Variants in NCEH1 observed in about 807,000 individuals in gnomAD.
NCEH1 encodes 2-acetyl MAGE hydrolase.
NCEH1 carries 9 observed loss-of-function variants against 25.4 expected under a neutral mutation model. The ratio of observed to expected loss-of-function variants is 0.35; its 90% CI spans 0.21 to 0.62. The LOEUF is 0.62. NCEH1 is among the 20% of genes least tolerant of loss of function. The pLI is 0.72. For synonymous variants in NCEH1, 200 were observed against 199.8 expected (o/e 1.00, Z -0.01); for missense variants, 412 against 501.1 (o/e 0.82, Z 1.70).
chr3:172,690,614 T>C (rs968456179), intron 1 of NCEH1, among the ~76,000 whole-genome samples: 23 of 152,196 alleles, frequency 1.5e-4, no homozygotes, highest in African/African-American at 5.1e-4. Context: ...ATACAATATG[T>C]CCACTGTAAC....
intron 1 of NCEH1, among the ~76,000 whole-genome samples, chr3:172,663,788 G>GT: frequency 1.3e-5 from 2 of 152,174 alleles, no homozygotes; most frequent in East Asian, 3.9e-4. Context: ...TGCAACCCCT[G>GT]CTTTTTTTTG....
intron 1 of NCEH1, among the ~76,000 whole-genome samples, chr3:172,651,690 C>T (rs771566522): frequency 1.3e-5 from 2 of 151,826 alleles, no homozygotes; most frequent in Non-Finnish European, 2.9e-5. Context: ...TCCCAAGTAG[C>T]TGAGATTACA....
At chr3:172,644,868 G>C (rs1259832849) in intron 3 of NCEH1, among the ~76,000 whole-genome samples, 2 of 152,022 alleles carry the variant, frequency 1.3e-5, no homozygotes, top group Non-Finnish European at 2.9e-5. Context: ...CAAATATGTG[G>C]TTTGTCAGAT....
intron 3 of NCEH1, among the ~76,000 whole-genome samples, chr3:172,637,888 C>CAA (rs113338933): frequency 2.7e-3 from 384 of 139,666 alleles, no homozygotes; most frequent in African/African-American, 9.0e-3. Context: ...GACTCCATCT[C>CAA]AAAAAAAAAA....
chr3:172,648,445 T>TC (rs1245425672), intron 1 of NCEH1, among the ~76,000 whole-genome samples: 1 of 152,150 alleles, frequency 6.6e-6, no homozygotes, highest in Non-Finnish European at 1.5e-5. Flanking sequence ...GTACCTTTTT[T>TC]TTCTAAATAA....
intron 1 of NCEH1, among the ~76,000 whole-genome samples, chr3:172,671,577 C>A (rs578189022): frequency 6.6e-6 from 1 of 151,822 alleles, no homozygotes; most frequent in East Asian, 1.9e-4. Context: ...TATATATACA[C>A]CTGCTACATG....
At chr3:172,682,289 C>T (rs1712424580) in intron 1 of NCEH1, among the ~76,000 whole-genome samples, 1 of 152,182 alleles carries the variant, frequency 6.6e-6, no homozygotes, top group Admixed American at 6.5e-5. Flanking sequence ...CCTGGGAAGG[C>T]TTCTAAGACT....
intron 1 of NCEH1, among the ~76,000 whole-genome samples, chr3:172,683,913 T>C (rs990895972): frequency 3.0e-4 from 45 of 152,356 alleles, no homozygotes; most frequent in African/African-American, 9.4e-4. Context: ...TGTTACTTAA[T>C]ATTATCAAAC....
intron 1 of NCEH1, among the ~76,000 whole-genome samples, chr3:172,672,900 C>A (rs554523457): frequency 6.6e-6 from 1 of 152,330 alleles, no homozygotes; most frequent in East Asian, 1.9e-4. Context: ...GGAGACAGAA[C>A]TGTCCCCAGA....
At chr3:172,649,112 G>A (rs997709358) in intron 1 of NCEH1, among the ~76,000 whole-genome samples, 5 of 152,118 alleles carry the variant, frequency 3.3e-5, no homozygotes, top group African/African-American at 4.8e-5. Context: ...AGCGTACGAC[G>A]GTACACCTTG....
intron 1 of NCEH1, among the ~76,000 whole-genome samples, chr3:172,677,896 C>G (rs532486445): frequency 3.3e-4 from 51 of 152,318 alleles, no homozygotes; most frequent in Middle Eastern, 6.8e-3. Flanking sequence ...CCACTGCACT[C>G]CAGCCTGGGC....
At chr3:172,653,322 G>A (rs1197309932) in intron 1 of NCEH1, among the ~76,000 whole-genome samples, 1 of 152,156 alleles carries the variant, frequency 6.6e-6, no homozygotes, top group Non-Finnish European at 1.5e-5. Context: ...AAACCAAGCA[G>A]AAACTGTGCT....
chr3:172,705,774 A>C (rs1386629143), intron 1 of NCEH1, among the ~76,000 whole-genome samples: 1 of 152,134 alleles, frequency 6.6e-6, no homozygotes, highest in African/African-American at 2.4e-5. Flanking sequence ...AGGCTGGTGG[A>C]TCACCTGAGG....
chr3:172,655,931 A>AG (rs1484253238), intron 1 of NCEH1, among the ~76,000 whole-genome samples: 33 of 152,196 alleles, frequency 2.2e-4, no homozygotes, highest in African/African-American at 7.5e-4. Context: ...GGAGTGAGAA[A>AG]AAGAGAGAAA....
chr3:172,636,213 TATGAAA>T (rs1716592417), intron 3 of NCEH1, 126 bp from the exon 4 acceptor site: 2 of 532,942 alleles, frequency 3.8e-6, no homozygotes. Flanking sequence ...GGAATTATTG[TATGAAA>T]AAGAAAAAAT....
intron 1 of NCEH1, among the ~76,000 whole-genome samples, chr3:172,663,391 A>G (rs1335879604): frequency 2.0e-5 from 3 of 152,170 alleles, no homozygotes; most frequent in Admixed American, 1.3e-4. Flanking sequence ...CCATGTGGTC[A>G]ATTTTGGAAT....
At position 172,706,499 on chromosome 3, in the gene NCEH1, CTTTTTTT is replaced by C. The variant is rs768288361; in HGVS notation, c.138+4341_138+4347del. ...AATCTTTTACTGTTCTTACATTTTT[CTTTTTTT>C]TTTTTTTTTTTTGAGACGAAGTCTC... On this transcript the variant is annotated intron_variant, in intron 1 of 4. Transcript: ENST00000475381. Among the ~76,000 whole-genome samples, 72 of 126,462 alleles carry C rather than the reference CTTTTTTT, an allele frequency of 5.7e-4. No homozygotes were observed. In the East Asian group the frequency reaches 0.015, roughly 26 times the overall value. The allele number at this position is 126,462 out of a possible 152,430, so 83.0% of individuals were successfully genotyped here.
chr3:172,671,506 T>TAC (rs537504265), intron 1 of NCEH1, among the ~76,000 whole-genome samples: 2,188 of 143,202 alleles, frequency 0.015, 43 homozygotes, highest in East Asian at 0.11. Flanking sequence ...CACATACACA[T>TAC]ACACACACAC....
At chr3:172,689,418 TGTAGTTTTA>T (rs1312522027) in intron 1 of NCEH1, among the ~76,000 whole-genome samples, 1 of 151,480 alleles carries the variant, frequency 6.6e-6, no homozygotes, top group Non-Finnish European at 1.5e-5. Context: ...GCCTAATTTT[TGTAGTTTTA>T]GTAGAGACAG....
Sources: gnomAD v4.1 joint callset for allele counts (sites outside exome capture counted in the v4.1 genomes callset) on GRCh38, gnomAD v4.1.1 for gene constraint, MANE v1.5 for transcripts, NCBI Gene and HGNC (gene_info 2026-07-23, HGNC 2026-07-21) for gene names.